LRPPRC: variants seen among roughly 807,000 people sequenced by gnomAD.
The protein encoded by LRPPRC is leucine-rich PPR motif-containing protein, mitochondrial.
Under a neutral mutation model 180.3 loss-of-function variants are expected in LRPPRC, and 120 were observed. The ratio of observed to expected loss-of-function variants is 0.67; its 90% CI spans 0.57 to 0.77. The LOEUF (loss-of-function observed/expected upper bound fraction) is 0.77, where lower values mean the gene tolerates loss of function less well. Among genes scored for constraint, LRPPRC ranks in the 30% least tolerant of loss-of-function variants. The pLI is 0.00. For missense variants in LRPPRC, 2,012 were observed against 1,657.2 expected, an observed-to-expected ratio of 1.21 and a Z score of -3.72; for synonymous variants, 723 against 600.0, an observed-to-expected ratio of 1.21 and a Z score of -3.00.
intron 21 of LRPPRC, among the ~76,000 whole-genome samples, 167 bp from the exon 22 acceptor site, chr2:43,945,584 G>A (rs558646180): frequency 2.6e-5 from 4 of 152,102 alleles, no homozygotes; most frequent in Admixed American, 2.0e-4. Context: ...AAGTTCACAC[G>A]AAATTATATT....
At chr2:43,995,371 A>G (rs2103794538) in intron 1 of LRPPRC, among the ~76,000 whole-genome samples, 1 of 152,190 alleles carries the variant, frequency 6.6e-6, no homozygotes, top group South Asian at 2.1e-4. Flanking sequence ...CCCTCGCAAA[A>G]AGCTAAATTT....
Position 43,925,157 on chromosome 2 carries a change from C to A in LRPPRC, c.2806G>T (p.Val936Phe). The A allele has an allele frequency of 1.3e-6, 2 of 1,514,118 alleles. No homozygotes were observed. The highest frequency in any genetic ancestry group is 9.2e-7 in the Non-Finnish European group (1 of 1,089,066). The allele number at this position is 1,514,118 out of a possible 1,614,324, so 93.8% of individuals were successfully genotyped here. A position where few individuals can be genotyped will look rare whatever the true frequency, so the allele number is the denominator to read the frequency against. The change falls in exon 27 of 38, where the codon GTT (valine) becomes TTT (phenylalanine). Residue 936 changes from valine (V) to phenylalanine (F), a missense_variant and splice_region_variant. Physicochemically the swap from Val to Phe is conservative, Grantham distance 50. Coordinates refer to ENST00000260665, the MANE Select transcript of LRPPRC (RefSeq NM_133259.4). ...TCCACTAATTTTTCCAGAGTTTCAA[C>A]CTTAAAAGTAAGATTAAGAGATAGA... ...FCDRCVANNQ[V>F]ETLEKLVELT... is the part of the protein sequence containing the mutation.
chr2:43,993,874 AATG>A (rs763065094), intron 1 of LRPPRC, among the ~76,000 whole-genome samples: 5 of 152,144 alleles, frequency 3.3e-5, no homozygotes, highest in Non-Finnish European at 7.4e-5. Flanking sequence ...TTGAGATCTG[AATG>A]ATAAGAAAGC....
intron 5 of LRPPRC, among the ~76,000 whole-genome samples, 188 bp downstream of exon 5, chr2:43,976,806 C>T (rs1308273881): frequency 6.6e-6 from 1 of 151,222 alleles, no homozygotes; most frequent in African/African-American, 2.4e-5. Flanking sequence ...GCAACTTTTA[C>T]TTATCTTTTC....
At chr2:43,934,964 C>A in intron 23 of LRPPRC, 86 bp from the exon 24 acceptor site, 1 of 1,087,498 alleles carries the variant, frequency 9.2e-7, no homozygotes, top group South Asian at 1.4e-5. Context: ...TGTTTAATGA[C>A]CAGTTAATAT....
rs1674352047 is a variant in LRPPRC at position 43,982,399 on chromosome 2, G to A, written c.185C>T (p.Ala62Val). Residue 62 changes from alanine (A) to valine (V), a missense_variant, in exon 2 of 38, where the codon GCT becomes GTT. Ala to Val is a moderately conservative substitution (Grantham distance 64). Transcript: ENST00000260665. ...LLSPARLYAI[A>V]AKEKDIQEES... Reference sequence around the variant, plus strand: ...CTCTTGAATATCTTTTTCTTTGGCAGCAATGGCATACAGCCTGGCTGGGCT... The same window carrying A: ...CTCTTGAATATCTTTTTCTTTGGCAACAATGGCATACAGCCTGGCTGGGCT... The A allele has an allele frequency of 6.2e-7, 1 of 1,613,892 alleles. No homozygotes were observed.
chr2:43,934,166 A>G, intron 25 of LRPPRC, 24 bp downstream of exon 25: 1 of 1,289,566 alleles, frequency 7.8e-7, no homozygotes, highest in Non-Finnish European at 1.1e-6. Flanking sequence ...CTCTACAATT[A>G]GAACACTGTA....
At position 43,995,878 on chromosome 2, in the gene LRPPRC, G is replaced by C. The variant is rs749629864; in HGVS notation, c.70C>G (p.Leu24Val). 3.5e-5 allele frequency: 52 copies of C among 1,505,924 alleles called. No individual in the cohort carries two copies. Among genetic ancestry groups the C allele is most frequent in the African/African-American group, 1.4e-5 (1 of 69,286 alleles). 93.3% of individuals were successfully genotyped at this position (1,505,924 alleles called of 1,614,324 possible). A position where few individuals can be genotyped will look rare whatever the true frequency, so the allele number is the denominator to read the frequency against. The change falls in exon 1 of 38, where the codon CTG becomes GTG. Residue 24 changes from leucine to valine, a missense_variant. Transcript: ENST00000260665. ...AGAAPRLPLS[L>V]RLLPGGPGRL... ...CCCGGGCCGCCAGGGAGGAGGCGCA[G>C]GGAGAGCGGGAGGCGCGGGGCCGCC...
At chr2:43,939,698 G>A (rs1421204228) in intron 23 of LRPPRC, among the ~76,000 whole-genome samples, 1 of 152,166 alleles carries the variant, frequency 6.6e-6, no homozygotes, top group Admixed American at 6.6e-5. Flanking sequence ...AATCTTCAAG[G>A]AGACTGGTGT....
intron 29 of LRPPRC, among the ~76,000 whole-genome samples, chr2:43,914,697 C>G (rs1017171673): frequency 6.6e-6 from 1 of 151,872 alleles, no homozygotes; most frequent in Non-Finnish European, 1.5e-5. Flanking sequence ...CCACCGCACT[C>G]CATCCTGGGT....
intron 2 of LRPPRC, among the ~76,000 whole-genome samples, chr2:43,980,879 T>C (rs764630479): frequency 6.6e-6 from 1 of 152,180 alleles, no homozygotes; most frequent in Non-Finnish European, 1.5e-5. Context: ...TTTGGGGTGA[T>C]GAAAATGTTC....
chr2:43,950,632 C>A (rs752145747), intron 14 of LRPPRC, 32 bp from the exon 15 acceptor site: 8 of 1,583,980 alleles, frequency 5.1e-6, no homozygotes, highest in Non-Finnish European at 6.9e-6. Flanking sequence ...CGAAAATAAA[C>A]CCAGGTTTAT....
Position 43,888,675 on chromosome 2 carries a change from G to C in LRPPRC, c.4129-19C>G. 6.8e-7 allele frequency: 1 copy of C among 1,477,180 alleles called. No individual in the cohort carries two copies. Among genetic ancestry groups the C allele is most frequent in the South Asian group, 1.1e-5 (1 of 87,852 alleles). The allele number at this position is 1,477,180 out of a possible 1,614,324, so 91.5% of individuals were successfully genotyped here. ...AGCTTTCCTGTTAAGGAGAAAAAAA[G>C]AGGGAAGTTAGAGATACCAGCAAGA... On this transcript the variant is annotated intron_variant, in intron 37 of 37. Coordinates refer to ENST00000260665, the MANE Select transcript of LRPPRC (RefSeq NM_133259.4).
intron 12 of LRPPRC, among the ~76,000 whole-genome samples, chr2:43,961,496 G>A (rs1673345694): frequency 6.6e-6 from 1 of 152,190 alleles, no homozygotes; most frequent in Non-Finnish European, 1.5e-5. Flanking sequence ...CTCCAGCCTA[G>A]TATACATCTG....
At chr2:43,983,680 G>A (rs368942962) in intron 1 of LRPPRC, among the ~76,000 whole-genome samples, 4 of 152,060 alleles carry the variant, frequency 2.6e-5, no homozygotes, top group Admixed American at 2.0e-4. Context: ...TTTTTCAGAC[G>A]TACACATTTT....
intron 35 of LRPPRC, among the ~76,000 whole-genome samples, chr2:43,895,681 G>A (rs1450454397): frequency 6.6e-6 from 1 of 152,146 alleles, no homozygotes; most frequent in African/African-American, 2.4e-5. Context: ...ATATCTAGGG[G>A]AAGGGTGTAG....
At chr2:43,893,994 A>T (rs1670591766) in intron 36 of LRPPRC, among the ~76,000 whole-genome samples, 1 of 152,198 alleles carries the variant, frequency 6.6e-6, no homozygotes, top group Admixed American at 6.5e-5. Flanking sequence ...AACTTTAGAC[A>T]ATTTCCTTTC....
At chr2:43,889,335 A>AAAAAAAAAC in intron 37 of LRPPRC, among the ~76,000 whole-genome samples, 1 of 150,390 alleles carries the variant, frequency 6.6e-6, no homozygotes. Context: ...AAAAAAAAAA[A>AAAAAAAAAC]AAAAGGCAAA....
At position 43,943,714 on chromosome 2, in the gene LRPPRC, A is replaced by G; in HGVS notation, c.2477T>C (p.Phe826Ser). ...GLAEPSTNIS[F>S]PLVTVHLEKG... ...TTCCAAGTGTACAGTGACCAATGGGAAACTTATGTTGGTGGATGGTTCTGC... is the reference window on the plus strand; with the variant it reads ...TTCCAAGTGTACAGTGACCAATGGGGAACTTATGTTGGTGGATGGTTCTGC... The change falls in exon 23 of 38, where the codon TTC becomes TCC. Residue 826 changes from phenylalanine (F) to serine (S), a missense_variant. Phe to Ser is a radical substitution (Grantham distance 155). Coordinates refer to ENST00000260665, the MANE Select transcript of LRPPRC (RefSeq NM_133259.4). 4 of 1,613,378 alleles carry G rather than the reference A, an allele frequency of 2.5e-6. No individual in the cohort carries two copies. The highest frequency in any genetic ancestry group is 3.4e-6 in the Non-Finnish European group (4 of 1,179,354).
Sources: gnomAD v4.1 joint callset for allele counts (sites outside exome capture counted in the v4.1 genomes callset) on GRCh38, gnomAD v4.1.1 for gene constraint, MANE v1.5 for transcripts, NCBI Gene and HGNC (gene_info 2026-07-23, HGNC 2026-07-21) for gene names.